The following PDE4D variants were observed in gnomAD, a reference collection of about 807,000 sequenced individuals.
PDE4D encodes 3',5'-cyclic-AMP phosphodiesterase 4D.
In PDE4D, 24 loss-of-function variants were observed where a neutral mutation model predicts 87.4. The ratio of observed to expected loss-of-function variants is 0.27; its 90% CI spans 0.20 to 0.39. The LOEUF is 0.39. Ranked by LOEUF, PDE4D falls within the 10% of genes least tolerant of loss-of-function variation. The pLI, the probability that PDE4D is intolerant of heterozygous loss-of-function variation, is 1.00. For missense variants in PDE4D, 714 were observed against 1,041.0 expected (o/e 0.69, Z 4.32); for synonymous variants, 384 against 383.2 (o/e 1.00, Z -0.02).
intron 1 of PDE4D, among the ~76,000 whole-genome samples, chr5:59,519,630 A>ACAT: frequency 6.6e-6 from 1 of 152,194 alleles, no homozygotes; most frequent in South Asian, 2.1e-4. Flanking sequence ...GATCATGTAG[A>ACAT]AGTTTAACAG....
chr5:60,247,654 T>C (rs1161084490), intron 1 of PDE4D, among the ~76,000 whole-genome samples: 1 of 151,994 alleles, frequency 6.6e-6, no homozygotes, highest in Non-Finnish European at 1.5e-5. Context: ...TTTAATTTTC[T>C]GGATTCCCTC....
intron 1 of PDE4D, among the ~76,000 whole-genome samples, chr5:59,374,703 C>G (rs1353293606): frequency 6.6e-6 from 1 of 152,088 alleles, no homozygotes; most frequent in Non-Finnish European, 1.5e-5. Flanking sequence ...AGTCTCCACC[C>G]CAAAACAACA....
chr5:59,977,381 A>T (rs1473316178), intron 3 of PDE4D, among the ~76,000 whole-genome samples: 1 of 152,182 alleles, frequency 6.6e-6, no homozygotes. Context: ...CTAATCCCAA[A>T]CAAGGCCCTA....
intron 2 of PDE4D, among the ~76,000 whole-genome samples, chr5:60,152,003 T>C (rs1286399685): frequency 6.6e-6 from 1 of 152,220 alleles, no homozygotes; most frequent in African/African-American, 2.4e-5. Flanking sequence ...TCTATTAAGA[T>C]GATCATGTTA....
intron 5 of PDE4D, among the ~76,000 whole-genome samples, chr5:59,088,459 C>T (rs1344308080): frequency 6.6e-6 from 1 of 152,012 alleles, no homozygotes; most frequent in Non-Finnish European, 1.5e-5. Context: ...GGTATATGCC[C>T]AAAGGAATAT....
intron 1 of PDE4D, among the ~76,000 whole-genome samples, chr5:60,485,374 T>A (rs1749056521): frequency 2.0e-5 from 3 of 149,698 alleles, no homozygotes. Flanking sequence ...AAGAGCAAAT[T>A]TTTCCAAAAA....
intron 1 of PDE4D, among the ~76,000 whole-genome samples, chr5:60,304,336 C>T (rs16877866): frequency 0.06 from 9,168 of 152,066 alleles, 912 homozygotes; most frequent in African/African-American, 0.21. Flanking sequence ...AGAGGTAGAG[C>T]CTTTGGTTGA....
chr5:59,118,148 TTACATTG>T (rs1773919051), intron 5 of PDE4D, among the ~76,000 whole-genome samples: 1 of 152,196 alleles, frequency 6.6e-6, no homozygotes, highest in Non-Finnish European at 1.5e-5. Flanking sequence ...TTTCCAGGGC[TTACATTG>T]CCCTTTAACT....
intron 6 of PDE4D, among the ~76,000 whole-genome samples, chr5:59,038,564 TGC>T (rs994031316): frequency 6.6e-6 from 1 of 152,176 alleles, no homozygotes; most frequent in African/African-American, 2.4e-5. Flanking sequence ...AAACATGCAA[TGC>T]CCATGGACCC....
intron 1 of PDE4D, among the ~76,000 whole-genome samples, chr5:60,218,398 C>T (rs988574885): frequency 2.0e-5 from 3 of 151,800 alleles, no homozygotes; most frequent in Non-Finnish European, 4.4e-5. Flanking sequence ...TTAAATCTTG[C>T]TTTATATCTT....
chr5:59,799,122 C>A (rs1766833440), intron 1 of PDE4D, among the ~76,000 whole-genome samples: 1 of 152,098 alleles, frequency 6.6e-6, no homozygotes, highest in Non-Finnish European at 1.5e-5. Flanking sequence ...TGATAGCAAC[C>A]AGAAACAAGG....
chr5:59,325,122 T>A lies in PDE4D; in HGVS notation c.456-109154A>T, dbSNP rs549565713. Reference sequence around the variant, plus strand: ...TCACAGAAATCCTACTGTACCAAATTCAGAAGCCTCTAGAAAAGTGACCTA... The same window carrying A: ...TCACAGAAATCCTACTGTACCAAATACAGAAGCCTCTAGAAAAGTGACCTA... On this transcript the variant is annotated intron_variant, in intron 1 of 14. Transcript: ENST00000340635. 1.5e-4 allele frequency among the ~76,000 whole-genome samples: 23 copies of A among 152,232 alleles called. 1 individual carries two copies. The South Asian group carries it at 4.6e-3, about 30-fold the overall frequency.
Position 60,026,195 on chromosome 5 carries a change from T to C in PDE4D, c.43-37478A>G, listed in dbSNP as rs79054643. On this transcript the variant is annotated intron_variant, in intron 2 of 16. Transcript: ENST00000502484. ...AAAGATCACTATTCATATTTCTTCA[T>C]TGAAAATGTCCTTGCTAAATATTTC... Among the ~76,000 whole-genome samples the C allele has an allele frequency of 4.3e-4, 66 of 152,328 alleles. No individual in the cohort carries two copies. The East Asian group carries it at 9.2e-3, about 21-fold the overall frequency.
intron 1 of PDE4D, among the ~76,000 whole-genome samples, chr5:59,858,277 G>A (rs1745751762): frequency 6.6e-6 from 1 of 151,924 alleles, no homozygotes. Context: ...TCTCAACTAT[G>A]GTGATTATTT....
intron 1 of PDE4D, among the ~76,000 whole-genome samples, chr5:60,494,892 CCT>C (rs1465526763): frequency 1.3e-5 from 2 of 152,136 alleles, no homozygotes; most frequent in African/African-American, 4.8e-5. Context: ...GCTACCTTCC[CCT>C]CTCAGAAATG....
At chr5:59,850,344 A>C (rs1744493357) in intron 1 of PDE4D, among the ~76,000 whole-genome samples, 1 of 152,036 alleles carries the variant, frequency 6.6e-6, no homozygotes, top group South Asian at 2.1e-4. Context: ...CTATGTTTTT[A>C]ATCATTATGC....
At chr5:60,190,490 T>C (rs1163458846) in intron 1 of PDE4D, among the ~76,000 whole-genome samples, 1 of 152,240 alleles carries the variant, frequency 6.6e-6, no homozygotes, top group Non-Finnish European at 1.5e-5. Context: ...CTCTTTTCTC[T>C]AGAGTGCTGT....
At chr5:59,771,472 A>G (rs1424988830) in intron 1 of PDE4D, among the ~76,000 whole-genome samples, 2 of 96,912 alleles carry the variant, frequency 2.1e-5, no homozygotes, top group Non-Finnish European at 4.3e-5. Flanking sequence ...AAAGAAAGAA[A>G]GAAAGAAAGA....
chr5:60,123,804 C>T (rs1472606491), intron 2 of PDE4D, among the ~76,000 whole-genome samples: 2 of 152,150 alleles, frequency 1.3e-5, no homozygotes, highest in Non-Finnish European at 2.9e-5. Flanking sequence ...TCTCATTTTA[C>T]TCTGAAGCCA....
Sources: allele counts gnomAD v4.1 joint callset (sites outside exome capture counted in the v4.1 genomes callset), GRCh38; gene constraint gnomAD v4.1.1; transcripts MANE v1.5; gene names NCBI Gene and HGNC (gene_info 2026-07-23, HGNC 2026-07-21).